RPRD1A: variants seen among roughly 807,000 people sequenced by gnomAD.
RPRD1A encodes the protein regulation of nuclear pre-mRNA domain containing 1A, also known as regulation of nuclear pre-mRNA domain-containing protein 1A.
Under a neutral mutation model 37.8 loss-of-function variants are expected in RPRD1A, and 9 were observed. The observed-to-expected ratio is 0.24, with a 90% CI of 0.14 to 0.42. The LOEUF (loss-of-function observed/expected upper bound fraction) is 0.42, where lower values mean the gene tolerates loss of function less well. Among genes scored for constraint, RPRD1A ranks in the 10% least tolerant of loss-of-function variants. The pLI, the probability that RPRD1A is intolerant of heterozygous loss-of-function variation, is 1.00. For synonymous variants in RPRD1A, 138 were observed against 139.7 expected (o/e 0.99, Z 0.08); for missense variants, 255 against 371.0 (o/e 0.69, Z 2.57).
Position 36,067,351 on chromosome 18 carries a change from G to A in RPRD1A, c.54C>T (p.Asn18=), listed in dbSNP as rs376350023. 1 of 1,608,582 alleles carries A rather than the reference G, an allele frequency of 6.2e-7. No individual in the cohort carries two copies. The highest frequency in any genetic ancestry group is 8.5e-7 in the Non-Finnish European group (1 of 1,177,740). ...ACAAGGTCTGCACGCTCTGCTGCGA[G>A]TTGCTCAACTCCGACAGCTTCTTCT... ...ALEKKLSELS[N]SQQSVQTLSL... is the part of the protein sequence containing the mutation. The change falls in exon 1 of 7, where the codon AAC becomes AAT. Residue 18 remains asparagine (N), a synonymous_variant. Coordinates refer to ENST00000399022, the MANE Select transcript of RPRD1A (RefSeq NM_018170.5).
At chr18:36,031,564 A>T (rs1254205514) in intron 2 of RPRD1A, among the ~76,000 whole-genome samples, 1 of 152,212 alleles carries the variant, frequency 6.6e-6, no homozygotes, top group African/African-American at 2.4e-5. Flanking sequence ...GGCCCTGTTT[A>T]AGAGATATCC....
At chr18:36,000,112 C>A (rs138137326) in intron 6 of RPRD1A, among the ~76,000 whole-genome samples, 19 of 152,132 alleles carry the variant, frequency 1.2e-4, no homozygotes, top group African/African-American at 4.6e-4. Context: ...TCTGAGACTG[C>A]AGATTAGTCA....
Position 36,027,201 on chromosome 18 carries a change from A to G in RPRD1A, c.596T>C (p.Leu199Pro). ...SLPVEVQEVSLLDKITDKESG... is the reference protein window; with the variant it reads ...SLPVEVQEVSPLDKITDKESG... ...TTTCTTACCTGTTATTTTATCTAAT[A>G]GAGATACTTCTTGGACTTCAACAGG... The change falls in exon 5 of 7, where the codon CTA becomes CCA. Residue 199 changes from leucine (L) to proline (P), a missense_variant. Leu to Pro is a moderately conservative substitution (Grantham distance 98, BLOSUM62 -3). Transcript: ENST00000399022. The G allele has an allele frequency of 6.2e-7, 1 of 1,613,840 alleles. No homozygotes were observed. The highest frequency in any genetic ancestry group is 8.5e-7 in the Non-Finnish European group (1 of 1,179,718).
intron 1 of RPRD1A, among the ~76,000 whole-genome samples, chr18:36,055,945 T>C (rs1233430691): frequency 1.3e-5 from 2 of 152,176 alleles, no homozygotes; most frequent in African/African-American, 4.8e-5. Flanking sequence ...AATGAACTTT[T>C]CACAAAATTG....
rs190280050 is a variant in RPRD1A at position 35,998,740 on chromosome 18, T to C, written c.790-5440A>G. Among the ~76,000 whole-genome samples the C allele has an allele frequency of 4.0e-4, 61 of 152,286 alleles. 1 individual carries two copies. Among genetic ancestry groups the C allele is most frequent in the African/African-American group, 1.4e-3 (60 of 41,552 alleles). On this transcript the variant is annotated intron_variant, in intron 6 of 6. Coordinates refer to ENST00000399022, the MANE Select transcript of RPRD1A (RefSeq NM_018170.5). ...TTCACTTTGCCTAAAACTCTTCCCC[T>C]GTTCTTAGCATCCTTACTCTAGGCT...
intron 1 of RPRD1A, among the ~76,000 whole-genome samples, chr18:36,036,046 G>A (rs1912168594): frequency 6.6e-6 from 1 of 151,728 alleles, no homozygotes; most frequent in Non-Finnish European, 1.5e-5. Flanking sequence ...ACTGTACACG[G>A]AAAAAATGAA....
intron 1 of RPRD1A, among the ~76,000 whole-genome samples, chr18:36,034,486 T>C (rs1303150654): frequency 1.3e-5 from 2 of 152,240 alleles, no homozygotes; most frequent in Non-Finnish European, 2.9e-5. Flanking sequence ...ATTTCAACAG[T>C]TGTGGGCCAC....
At position 35,993,084 on chromosome 18, in the gene RPRD1A, C is replaced by T; in HGVS notation, c.*67G>A. The T allele has an allele frequency of 7.1e-7, 1 of 1,410,178 alleles. No individual in the cohort carries two copies. Among genetic ancestry groups the T allele is most frequent in the South Asian group, 1.3e-5 (1 of 75,216 alleles). The allele number at this position is 1,410,178 out of a possible 1,614,324, so 87.4% of individuals were successfully genotyped here. On this transcript the variant is annotated 3_prime_UTR_variant, in exon 7 of 7. Coordinates refer to ENST00000399022, the MANE Select transcript of RPRD1A (RefSeq NM_018170.5). ...TCAACAATATACAAAAATAACACTA[C>T]AGGACTATCCACCTAACCTGTCTCC...
chr18:36,043,716 GACT>G (rs143019274), intron 1 of RPRD1A, among the ~76,000 whole-genome samples: 4,352 of 152,094 alleles, frequency 0.029, 228 homozygotes, highest in African/African-American at 0.099. Context: ...AAATAATATT[GACT>G]ACAATTTTTA....
At position 36,027,064 on chromosome 18, in the gene RPRD1A, C is replaced by G. The variant is rs1457250427; in HGVS notation, c.625G>C (p.Gly209Arg). 1 of 1,613,876 alleles carries G rather than the reference C, an allele frequency of 6.2e-7. No individual in the cohort carries two copies. The highest frequency in any genetic ancestry group is 8.5e-7 in the Non-Finnish European group (1 of 1,179,840). Residue 209 changes from glycine (G) to arginine (R), a missense_variant, in exon 6 of 7, where the codon GGA becomes CGA. Transcript: ENST00000399022. ...TCTACCATTTTGGAAAGCCTTTCTC[C>G]AGATTCTTTATCTAAGAAAAGCACG... is the stretch of plus-strand genomic sequence containing the variant. ...LLDKITDKES[G>R]ERLSKMVEDA...
intron 1 of RPRD1A, among the ~76,000 whole-genome samples, chr18:36,055,750 GA>G (rs1913720067): frequency 1.3e-5 from 2 of 152,082 alleles, no homozygotes; most frequent in African/African-American, 4.8e-5. Flanking sequence ...CTGAAACAGG[GA>G]AGAGTAATTG....
At chr18:36,048,362 G>T (rs996422372) in intron 1 of RPRD1A, among the ~76,000 whole-genome samples, 8 of 151,820 alleles carry the variant, frequency 5.3e-5, no homozygotes, top group Admixed American at 1.3e-4. Context: ...CACCGCACCC[G>T]GCCAAATGTA....
At chr18:35,993,451 G>T in intron 6 of RPRD1A, 151 bp from the exon 7 acceptor site, 2 of 724,754 alleles carry the variant, frequency 2.8e-6, no homozygotes, top group Non-Finnish European at 4.3e-6. Context: ...CAAAAGATGA[G>T]CTTTGGAAAT....
chr18:36,058,004 G>A (rs1388102509), intron 1 of RPRD1A, among the ~76,000 whole-genome samples: 1 of 152,164 alleles, frequency 6.6e-6, no homozygotes, highest in Non-Finnish European at 1.5e-5. Flanking sequence ...ACAGTAAGGA[G>A]GTCAACAAGT....
chr18:36,067,237 A>G lies in RPRD1A; in HGVS notation c.151+17T>C. 6.4e-7 allele frequency: 1 copy of G among 1,562,312 alleles called. No homozygotes were observed. The highest frequency in any genetic ancestry group is 8.7e-7 in the Non-Finnish European group (1 of 1,151,710). On this transcript the variant is annotated intron_variant, in intron 1 of 6. Transcript: ENST00000399022. ...GGCCGGGTGGTGGGAAGCGGCCGACATAAGCGGTTGACTCACCTTTCCGCA... is the reference window on the plus strand; with the variant it reads ...GGCCGGGTGGTGGGAAGCGGCCGACGTAAGCGGTTGACTCACCTTTCCGCA...
intron 1 of RPRD1A, among the ~76,000 whole-genome samples, chr18:36,060,993 T>C (rs143781309): frequency 1.3e-5 from 2 of 151,894 alleles, no homozygotes; most frequent in East Asian, 3.9e-4. Context: ...GAAACAAAGT[T>C]AACAGGCATT....
intron 1 of RPRD1A, among the ~76,000 whole-genome samples, chr18:36,047,599 C>T (rs909983023): frequency 6.6e-6 from 1 of 152,032 alleles, no homozygotes; most frequent in Non-Finnish European, 1.5e-5. Context: ...GACAAAGAAA[C>T]AAGAGGGAAG....
intron 6 of RPRD1A, among the ~76,000 whole-genome samples, chr18:36,000,482 A>T (rs1480587872): frequency 6.6e-6 from 1 of 152,220 alleles, no homozygotes; most frequent in Non-Finnish European, 1.5e-5. Context: ...TGTTAACAAC[A>T]TGTGGAAAAA....
At position 35,990,274 on chromosome 18, in the gene RPRD1A, GTAAC is replaced by G. The variant is rs1249423541; in HGVS notation, c.*2873_*2876del. On this transcript the variant is annotated 3_prime_UTR_variant, in exon 7 of 7. Transcript: ENST00000399022. ...CTAAAGATTTCTCAGAATCAGTTCA[GTAAC>G]TATACTTTAAAAAGATGAGTTGCTC... 6.6e-6 allele frequency: 1 copy of G among 152,134 alleles called. No homozygotes were observed. The highest frequency in any genetic ancestry group is 1.5e-5 in the Non-Finnish European group (1 of 68,034). The allele number at this position is 152,134 out of a possible 1,614,324, so 9.4% of individuals were successfully genotyped here. A position where few individuals can be genotyped will look rare whatever the true frequency, so the allele number is the denominator to read the frequency against.
Sources: allele counts gnomAD v4.1 joint callset (sites outside exome capture counted in the v4.1 genomes callset), GRCh38; gene constraint gnomAD v4.1.1; transcripts MANE v1.5; gene names NCBI Gene and HGNC (gene_info 2026-07-23, HGNC 2026-07-21).